Variants in HORMAD1 observed in about 807,000 individuals in gnomAD.
HORMAD1 encodes the protein HORMA domain-containing protein 1.
A neutral mutation model predicts 58.2 loss-of-function variants in HORMAD1; 33 were observed. The observed-to-expected ratio is 0.57, with a 90% CI of 0.43 to 0.76. The LOEUF (loss-of-function observed/expected upper bound fraction) is 0.76, where lower values mean the gene tolerates loss of function less well. HORMAD1 is among the 30% of genes least tolerant of loss of function. The probability of loss-of-function intolerance (pLI) is 0.00; values close to 1 mark genes in which losing one functional copy is unlikely to be tolerated. For missense variants in HORMAD1, 363 were observed against 462.0 expected, an observed-to-expected ratio of 0.79 and a Z score of 1.96; for synonymous variants, 137 against 144.6, an observed-to-expected ratio of 0.95 and a Z score of 0.38.
At chr1:150,719,602 C>T in intron 1 of HORMAD1, 64 bp from the exon 2 acceptor site, 2 of 738,304 alleles carry the variant, frequency 2.7e-6, no homozygotes, top group Non-Finnish European at 4.4e-6. Flanking sequence ...TTCAGTTTAC[C>T]ACATATAAAA....
At chr1:150,703,434 A>C (rs1571067355) in intron 12 of HORMAD1, 41 bp from the exon 13 acceptor site, 1 of 1,122,016 alleles carries the variant, frequency 8.9e-7, no homozygotes, top group Non-Finnish European at 1.3e-6. Flanking sequence ...ACTTAGTATA[A>C]TAAAACCTTT....
intron 7 of HORMAD1, among the ~76,000 whole-genome samples, chr1:150,709,608 C>T (rs1234383080): frequency 6.6e-6 from 1 of 151,778 alleles, no homozygotes; most frequent in African/African-American, 2.4e-5. Flanking sequence ...ATGAGAAAGA[C>T]CTGACCGTCC....
chr1:150,708,225 C>A (rs2101862891), intron 9 of HORMAD1, 31 bp downstream of exon 9: 4 of 1,478,788 alleles, frequency 2.7e-6, no homozygotes, highest in Admixed American at 2.1e-5. Flanking sequence ...ACATATGTAC[C>A]AACTGAAACA....
chr1:150,706,421 G>T (rs1651692428), intron 10 of HORMAD1, 132 bp downstream of exon 10: 1 of 781,508 alleles, frequency 1.3e-6, no homozygotes, highest in Non-Finnish European at 2.0e-6. Context: ...AGACTTTAAG[G>T]TCCCTTTCAA....
chr1:150,707,161 A>C (rs946231044), intron 9 of HORMAD1, among the ~76,000 whole-genome samples: 2 of 152,182 alleles, frequency 1.3e-5, no homozygotes, highest in African/African-American at 4.8e-5. Flanking sequence ...GTAAATACTC[A>C]ATAAATGTTA....
At chr1:150,704,387 GAACTAAAAC>G in intron 10 of HORMAD1, 44 bp from the exon 11 acceptor site, 1 of 1,253,710 alleles carries the variant, frequency 8.0e-7, no homozygotes, top group Admixed American at 2.4e-5. Flanking sequence ...TTTCAAAAAG[GAACTAAAAC>G]AACTGAGCAG....
chr1:150,700,126 C>A lies in HORMAD1; in HGVS notation c.1090G>T (p.Glu364Ter), dbSNP rs1651494053. The A allele has an allele frequency of 6.5e-7, 1 of 1,541,016 alleles. No individual in the cohort carries two copies. The highest frequency in any genetic ancestry group is 1.4e-5 in the African/African-American group (1 of 73,448). Residue 364 changes from glutamate (E) to a stop codon, truncating the protein, a stop_gained, in exon 14 of 15, where the codon GAA becomes TAA. Coordinates refer to ENST00000361824, the MANE Select transcript of HORMAD1 (RefSeq NM_032132.5). LOFTEE classifies it high-confidence loss of function. ...ATAAGACTTACTATTCTCCCAGATTCATGTTGACTTCTCTTCCGATTTTCT... is the reference window on the plus strand; with the variant it reads ...ATAAGACTTACTATTCTCCCAGATTAATGTTGACTTCTCTTCCGATTTTCT... ...SKENRKRSQHESGRIVLHHFD... is the reference protein window; with the variant it reads ...SKENRKRSQH
intron 13 of HORMAD1, 86 bp downstream of exon 13, chr1:150,703,224 T>C: frequency 1.3e-6 from 1 of 757,994 alleles, no homozygotes; most frequent in Non-Finnish European, 2.2e-6. Context: ...TAAATACTGG[T>C]TTAATAAACG....
intron 10 of HORMAD1, among the ~76,000 whole-genome samples, chr1:150,705,525 CAAA>C (rs201641273): frequency 1.5e-5 from 2 of 136,460 alleles, no homozygotes. Context: ...AACTCTGTCT[CAAA>C]AAAAAAAAAA....
intron 10 of HORMAD1, among the ~76,000 whole-genome samples, chr1:150,705,745 A>T (rs1651671774): frequency 6.6e-6 from 1 of 152,152 alleles, no homozygotes; most frequent in Non-Finnish European, 1.5e-5. Flanking sequence ...CTTAGAAAAA[A>T]GTTTTTTTCT....
chr1:150,700,316 C>T, intron 13 of HORMAD1, 133 bp from the exon 14 acceptor site: 1 of 575,710 alleles, frequency 1.7e-6, no homozygotes, highest in East Asian at 3.1e-5. Context: ...CTCCCTCTGT[C>T]ACCCAGGCTG....
intron 10 of HORMAD1, 28 bp from the exon 11 acceptor site, chr1:150,704,371 G>T (rs1651625215): frequency 2.8e-6 from 4 of 1,422,972 alleles, no homozygotes; most frequent in South Asian, 1.3e-5. Flanking sequence ...GAAAAAAATT[G>T]ACACATTTCA....
At position 150,698,750 on chromosome 1, in the gene HORMAD1, AACT is replaced by A; in HGVS notation, c.1105-19_1105-17del. The A allele has an allele frequency of 7.1e-7, 1 of 1,406,284 alleles. No individual in the cohort carries two copies. The highest frequency in any genetic ancestry group is 1.0e-6 in the Non-Finnish European group (1 of 1,004,826). The allele number at this position is 1,406,284 out of a possible 1,614,324, so 87.1% of individuals were successfully genotyped here. A position where few individuals can be genotyped will look rare whatever the true frequency, so the allele number is the denominator to read the frequency against. On this transcript the variant is annotated splice_polypyrimidine_tract_variant and intron_variant, in intron 14 of 14. Transcript: ENST00000361824. ...GATGGAGGACCTGTCAAAAGAAAAC[AACT>A]ACTAAGAATAGATACTTTCCTGTTT... is the stretch of plus-strand genomic sequence containing the variant.
At chr1:150,702,236 C>A (rs955958303) in intron 13 of HORMAD1, among the ~76,000 whole-genome samples, 1 of 152,114 alleles carries the variant, frequency 6.6e-6, no homozygotes, top group Non-Finnish European at 1.5e-5. Flanking sequence ...CCATCTCATG[C>A]CAGTCAGAAT....
intron 3 of HORMAD1, among the ~76,000 whole-genome samples, chr1:150,716,229 C>A (rs978907289): frequency 7.8e-6 from 1 of 127,690 alleles, no homozygotes; most frequent in Non-Finnish European, 1.6e-5. Flanking sequence ...GTGGCACAAT[C>A]TCGGCTCACT....
chr1:150,702,212 A>G (rs1651556192), intron 13 of HORMAD1, among the ~76,000 whole-genome samples: 2 of 152,306 alleles, frequency 1.3e-5, no homozygotes, highest in Non-Finnish European at 2.9e-5. Flanking sequence ...GCAAATCAAA[A>G]CCACAATGAG....
At chr1:150,707,011 T>C (rs1431484245) in intron 9 of HORMAD1, among the ~76,000 whole-genome samples, 1 of 152,224 alleles carries the variant, frequency 6.6e-6, no homozygotes, top group Non-Finnish European at 1.5e-5. Context: ...TGACTGTCTG[T>C]GACCTTGAGT....
At chr1:150,715,867 A>G (rs1330677781) in intron 3 of HORMAD1, among the ~76,000 whole-genome samples, 1 of 150,990 alleles carries the variant, frequency 6.6e-6, no homozygotes, top group African/African-American at 2.4e-5. Context: ...AAATTTTATG[A>G]TTAAGTGCTT....
At chr1:150,700,315 T>A (rs1459811898) in intron 13 of HORMAD1, 132 bp from the exon 14 acceptor site, 23 of 575,652 alleles carry the variant, frequency 4.0e-5, no homozygotes, top group Middle Eastern at 9.3e-4. Flanking sequence ...TCTCCCTCTG[T>A]CACCCAGGCT....
Sources: allele counts gnomAD v4.1 joint callset (sites outside exome capture counted in the v4.1 genomes callset), GRCh38; gene constraint gnomAD v4.1.1; transcripts MANE v1.5; gene names NCBI Gene and HGNC (gene_info 2026-07-23, HGNC 2026-07-21).